The following LAMA5 variants were observed in gnomAD, a reference collection of about 807,000 sequenced individuals.
The protein encoded by LAMA5 is laminin subunit alpha-5.
LAMA5 carries 260 observed loss-of-function variants against 433.4 expected under a neutral mutation model. The ratio of observed to expected loss-of-function variants is 0.60; its 90% CI spans 0.54 to 0.66. LAMA5 has a LOEUF of 0.66. LAMA5 is among the 30% of genes least tolerant of loss of function. LAMA5 has a pLI of 0.00. For missense variants in LAMA5, 5,378 were observed against 5,258.5 expected, an observed-to-expected ratio of 1.02 and a Z score of -0.70; for synonymous variants, 2,620 against 2,226.6, an observed-to-expected ratio of 1.18 and a Z score of -4.97.
chr20:62,318,664 G>T lies in LAMA5; in HGVS notation c.7043-14C>A. 6.2e-7 allele frequency: 1 copy of T among 1,607,412 alleles called. No homozygotes were observed. The highest frequency in any genetic ancestry group is 8.5e-7 in the Non-Finnish European group (1 of 1,177,404). On this transcript the variant is annotated splice_polypyrimidine_tract_variant and intron_variant, in intron 52 of 79. Transcript: ENST00000252999. ...CCCGGGCCAGCACTAGCCGAGACCAGGGTGAGGGTGGTCACTCTGGAAGCC... is the reference window on the plus strand; with the variant it reads ...CCCGGGCCAGCACTAGCCGAGACCATGGTGAGGGTGGTCACTCTGGAAGCC...
Position 62,317,019 on chromosome 20 carries a change from T to C in LAMA5, c.7516A>G (p.Ile2506Val). 1 of 1,527,132 alleles carries C rather than the reference T, an allele frequency of 6.5e-7. No individual in the cohort carries two copies. The highest frequency in any genetic ancestry group is 8.8e-7 in the Non-Finnish European group (1 of 1,135,424). The allele number at this position is 1,527,132 out of a possible 1,614,324, so 94.6% of individuals were successfully genotyped here. A position where few individuals can be genotyped will look rare whatever the true frequency, so the allele number is the denominator to read the frequency against. Reference protein sequence around the residue: ...GQLALNLSSIILDVNQDRLTQ... With the variant: ...GQLALNLSSIVLDVNQDRLTQ... ...AGGCGGTCCTGGTTGACGTCCAGGA[T>C]GATGCTGCAGCGGAAGGGAGGGTCG... The change falls in exon 56 of 80, where the codon ATC becomes GTC. Residue 2506 changes from isoleucine to valine, a missense_variant. Coordinates refer to ENST00000252999, the MANE Select transcript of LAMA5 (RefSeq NM_005560.6).
At position 62,322,646 on chromosome 20, in the gene LAMA5, C is replaced by G; in HGVS notation, c.6165+12G>C. ...CCCCACCCACCCAGCCCTGCTTACC[C>G]CACAGCCCTACCTGGCAGCGGTCAC... On this transcript the variant is annotated intron_variant, in intron 46 of 79. Coordinates refer to ENST00000252999, the MANE Select transcript of LAMA5 (RefSeq NM_005560.6). 1 of 1,518,246 alleles carries G rather than the reference C, an allele frequency of 6.6e-7. No homozygotes were observed. Among genetic ancestry groups the G allele is most frequent in the Non-Finnish European group, 8.9e-7 (1 of 1,125,694 alleles). The allele number at this position is 1,518,246 out of a possible 1,614,324, so 94.0% of individuals were successfully genotyped here.
intron 48 of LAMA5, 115 bp downstream of exon 48, chr20:62,321,904 G>A (rs1987857528): frequency 9.7e-7 from 1 of 1,034,424 alleles, no homozygotes; most frequent in Non-Finnish European, 1.5e-6. Flanking sequence ...CTCGGGAAAT[G>A]GAAGGCAGCT....
At position 62,328,311 on chromosome 20, in the gene LAMA5, A is replaced by G. The variant is rs1191714252; in HGVS notation, c.4582T>C (p.Cys1528Arg). Residue 1528 changes from cysteine (C) to arginine (R), a missense_variant, in exon 35 of 80, where the codon TGT becomes CGT. Physicochemically the swap from Cys to Arg is radical, Grantham distance 180 (BLOSUM62 -3). Transcript: ENST00000252999. ...TGGATGCCGGGCCCTGAGCAGTTACACTCCTCACAGCCGACCAGGGGGTGG... is the reference window on the plus strand; with the variant it reads ...TGGATGCCGGGCCCTGAGCAGTTACGCTCCTCACAGCCGACCAGGGGGTGG... ...GCHPLVGCEE[C>R]NCSGPGIQEL... The G allele has an allele frequency of 6.2e-7, 1 of 1,605,848 alleles. No homozygotes were observed. Among genetic ancestry groups the G allele is most frequent in the African/African-American group, 1.3e-5 (1 of 74,740 alleles).
At position 62,334,408 on chromosome 20, in the gene LAMA5, G is replaced by C; in HGVS notation, c.2583-66C>G. 2.0e-6 allele frequency: 3 copies of C among 1,524,466 alleles called. No homozygotes were observed. The African/African-American group carries it at 4.1e-5, about 21-fold the overall frequency. 94.4% of individuals were successfully genotyped at this position (1,524,466 alleles called of 1,614,324 possible). On this transcript the variant is annotated intron_variant, in intron 21 of 79. Transcript: ENST00000252999. ...CTACCTAGCCCTGCACAGCGGCCCC[G>C]GGTCTCCAGGGAGGGTGAGGCCTCA...
chr20:62,343,645 G>A (rs112223779), intron 11 of LAMA5, among the ~76,000 whole-genome samples: 9,428 of 150,716 alleles, frequency 0.063, 392 homozygotes, highest in Non-Finnish European at 0.09. Context: ...GCATGGTGGC[G>A]CATGCCTGTA....
chr20:62,324,468 G>T lies in LAMA5; in HGVS notation c.5616C>A (p.Arg1872=). Reference sequence around the variant, plus strand: ...CACAGACGCCAGAGCCAGGGAGGCAGCGGTCTGAGTGTCCATGGCACTGAC... The same window carrying T: ...CACAGACGCCAGAGCCAGGGAGGCATCGGTCTGAGTGTCCATGGCACTGAC... ...VPCQCHGHSD[R]CLPGSGVCVD... The change falls in exon 42 of 80, where the codon CGC becomes CGA. Residue 1872 remains arginine, a synonymous_variant. Coordinates refer to ENST00000252999, the MANE Select transcript of LAMA5 (RefSeq NM_005560.6). This position sits in a 1 kb window ranked among gnomAD's most constrained non-coding sequence, Gnocchi z 4.4. 1 of 1,612,302 alleles carries T rather than the reference G, an allele frequency of 6.2e-7. No individual in the cohort carries two copies. Among genetic ancestry groups the T allele is most frequent in the Non-Finnish European group, 8.5e-7 (1 of 1,179,730 alleles).
At position 62,317,447 on chromosome 20, in the gene LAMA5, T is replaced by C. The variant is rs1299640117; in HGVS notation, c.7409A>G (p.Gln2470Arg). The change falls in exon 55 of 80, where the codon CAG (glutamine) becomes CGG (arginine). Residue 2470 changes from glutamine to arginine, a missense_variant. By Grantham distance (43) the Gln-to-Arg change is conservative (BLOSUM62 1). Coordinates refer to ENST00000252999, the MANE Select transcript of LAMA5 (RefSeq NM_005560.6). ...CGCCGGGGAGAAGGTCTGCATCCTC[T>C]GCAGCAGTGGGGTCCGAGCCCCATC... ...SLDGARTPLL[Q>R]RMQTFSPAGS... The C allele has an allele frequency of 6.3e-7, 1 of 1,594,582 alleles. No homozygotes were observed. Among genetic ancestry groups the C allele is most frequent in the Non-Finnish European group, 8.6e-7 (1 of 1,169,064 alleles).
At chr20:62,319,432 G>A (rs1266765310) in intron 51 of LAMA5, among the ~76,000 whole-genome samples, 4 of 152,092 alleles carry the variant, frequency 2.6e-5, no homozygotes, top group Admixed American at 6.6e-5. Flanking sequence ...CTGTGAGCGC[G>A]AACATCTAAC....
At chr20:62,328,046 C>T (rs780085789) in intron 35 of LAMA5, 36 bp from the exon 36 acceptor site, 1 of 1,609,054 alleles carries the variant, frequency 6.2e-7, no homozygotes, top group South Asian at 1.1e-5. Context: ...CCCTCCACCC[C>T]AGGTCACTCA....
intron 2 of LAMA5, among the ~76,000 whole-genome samples, chr20:62,360,878 C>T (rs1487891135): frequency 6.6e-6 from 1 of 152,080 alleles, no homozygotes; most frequent in Non-Finnish European, 1.5e-5. Context: ...CGAGAGAGCC[C>T]CAGAGCCAAG....
chr20:62,319,716 GCCAACAGCGTCTTCGCATGGC>G lies in LAMA5; in HGVS notation c.6818_6838del (p.Gly2273_Leu2279del). On this transcript the variant is annotated inframe_deletion, in exon 51 of 80. Transcript: ENST00000252999. ...GGTGCGGTCCACAGCCCGGATGGCC[GCCAACAGCGTCTTCGCATGGC>G]CCAGTGTGGCCTCGGTGCCGGCCAG... 1 of 1,546,670 alleles carries G rather than the reference GCCAACAGCGTCTTCGCATGGC, an allele frequency of 6.5e-7. No individual in the cohort carries two copies. The highest frequency in any genetic ancestry group is 1.2e-5 in the South Asian group (1 of 84,128).
intron 17 of LAMA5, 64 bp downstream of exon 17, chr20:62,336,670 T>C: frequency 6.4e-7 from 1 of 1,573,526 alleles, no homozygotes; most frequent in Non-Finnish European, 8.7e-7. Context: ...CTCACCGGAC[T>C]CGGGACTTTT....
intron 55 of LAMA5, 69 bp from the exon 56 acceptor site, chr20:62,317,092 T>C: frequency 2.7e-6 from 4 of 1,461,892 alleles, no homozygotes; most frequent in Non-Finnish European, 3.6e-6. Context: ...TCCAGCCTCC[T>C]GCGCTCACAA....
At chr20:62,315,380 C>A (rs574853889) in intron 58 of LAMA5, among the ~76,000 whole-genome samples, 173 bp from the exon 59 acceptor site, 1 of 152,234 alleles carries the variant, frequency 6.6e-6, no homozygotes, top group African/African-American at 2.4e-5. Context: ...ATGCCTCCAC[C>A]AGACGCCCCC....
Position 62,311,826 on chromosome 20 carries a change from G to A in LAMA5, c.9636-42C>T, listed in dbSNP as rs755825180. 10 of 492,378 alleles carry A rather than the reference G, an allele frequency of 2.0e-5. No homozygotes were observed. In the East Asian group the frequency reaches 4.3e-4, roughly 21 times the overall value. The allele number at this position is 492,378 out of a possible 1,614,324, so 30.5% of individuals were successfully genotyped here. On this transcript the variant is annotated intron_variant, in intron 70 of 79. Transcript: ENST00000252999. ...CGGAGGCTCGGTTTTTCCCCACCCT[G>A]CCCACCCCCACCTCAGAGGAGACAG...
intron 2 of LAMA5, among the ~76,000 whole-genome samples, chr20:62,360,024 C>T (rs114028932): frequency 0.017 from 2,625 of 150,848 alleles, 83 homozygotes; most frequent in African/African-American, 0.06. Context: ...CGGACCCACC[C>T]GCCGCTCAGC....
intron 50 of LAMA5, among the ~76,000 whole-genome samples, chr20:62,320,318 C>CAAAAAAAA (rs60260941): frequency 3.9e-5 from 2 of 51,246 alleles, no homozygotes; most frequent in Non-Finnish European, 6.7e-5. Context: ...AACTGTGTCT[C>CAAAAAAAA]AAAAAAAAAA....
chr20:62,333,798 C>T (rs1980978763), intron 23 of LAMA5, 92 bp from the exon 24 acceptor site: 2 of 1,444,430 alleles, frequency 1.4e-6, no homozygotes, highest in Non-Finnish European at 1.8e-6. Flanking sequence ...GCTGGTCCTA[C>T]CACCCACATG....
Sources: gnomAD v4.1 joint callset for allele counts (sites outside exome capture counted in the v4.1 genomes callset) on GRCh38, gnomAD v4.1.1 for gene constraint, Gnocchi (gnomAD v3.1) non-coding constraint, MANE v1.5 for transcripts, NCBI Gene and HGNC (gene_info 2026-07-23, HGNC 2026-07-21) for gene names.